Variants in KCNIP4 observed in about 807,000 individuals in gnomAD.
KCNIP4 encodes the protein potassium voltage-gated channel interacting protein 4, also known as Kv channel-interacting protein 4.
In KCNIP4, 12 loss-of-function variants were observed where a neutral mutation model predicts 34.0. That is an observed-to-expected ratio of 0.35 (90% CI 0.23 to 0.57). The LOEUF (loss-of-function observed/expected upper bound fraction) is 0.57, where lower values mean the gene tolerates loss of function less well. Ranked by LOEUF, KCNIP4 falls within the 20% of genes least tolerant of loss-of-function variation. The pLI, the probability that KCNIP4 is intolerant of heterozygous loss-of-function variation, is 0.83. For missense variants in KCNIP4, 238 were observed against 311.7 expected, an observed-to-expected ratio of 0.76 and a Z score of 1.78; for synonymous variants, 124 against 102.2, an observed-to-expected ratio of 1.21 and a Z score of -1.29.
intron 1 of KCNIP4, among the ~76,000 whole-genome samples, chr4:21,121,280 C>T (rs911951819): frequency 6.6e-6 from 1 of 152,134 alleles, no homozygotes; most frequent in Non-Finnish European, 1.5e-5. Context: ...AGGGAGAAGG[C>T]ATATAGGAGC....
At chr4:21,242,126 T>C (rs901152923) in intron 1 of KCNIP4, among the ~76,000 whole-genome samples, 1 of 131,804 alleles carries the variant, frequency 7.6e-6, no homozygotes, top group Non-Finnish European at 1.5e-5. Flanking sequence ...ATTGCGCCAC[T>C]GCACTCCATC....
rs1393043312 is a variant in KCNIP4 at position 20,850,620 on chromosome 4, C to T, written c.211G>A (p.Glu71Lys). ...LEMATVRHRP[E>K]ALELLEAQSK... ...TGGGCTTCCAGAAGCTCAAGGGCTT[C>T]AGGCCGATGCCTGACGGTGGCCATC... Residue 71 changes from glutamate (E) to lysine (K), a missense_variant, in exon 3 of 9, where the codon GAA becomes AAA. Physicochemically the swap from Glu to Lys is moderately conservative, Grantham distance 56 (BLOSUM62 1). Coordinates refer to ENST00000382152, the MANE Select transcript of KCNIP4 (RefSeq NM_025221.6). The T allele has an allele frequency of 3.1e-6, 5 of 1,612,722 alleles. No individual in the cohort carries two copies. The highest frequency in any genetic ancestry group is 1.7e-5 in the Admixed American group (1 of 59,942).
At chr4:21,146,973 A>G (rs892467042) in intron 1 of KCNIP4, among the ~76,000 whole-genome samples, 14 of 152,228 alleles carry the variant, frequency 9.2e-5, no homozygotes, top group Admixed American at 3.3e-4. Context: ...ATATGTATAT[A>G]TATGTGGGGG....
chr4:21,208,922 C>G (rs1295108498), intron 1 of KCNIP4, among the ~76,000 whole-genome samples: 1 of 152,042 alleles, frequency 6.6e-6, no homozygotes, highest in Non-Finnish European at 1.5e-5. Flanking sequence ...ATGCCAGACA[C>G]TTATAAAACC....
intron 3 of KCNIP4, among the ~76,000 whole-genome samples, chr4:20,800,013 G>C (rs1445625957): frequency 6.6e-6 from 1 of 152,192 alleles, no homozygotes; most frequent in African/African-American, 2.4e-5. Flanking sequence ...TGTGTCTCAA[G>C]TCCCAGGTGT....
At chr4:21,165,552 CA>C (rs1326510697) in intron 1 of KCNIP4, among the ~76,000 whole-genome samples, 1 of 148,466 alleles carries the variant, frequency 6.7e-6, no homozygotes, top group Non-Finnish European at 1.5e-5. Context: ...AAAATTAACT[CA>C]AAATGCATCA....
At chr4:21,249,352 A>C (rs553633013) in intron 1 of KCNIP4, among the ~76,000 whole-genome samples, 125 of 152,248 alleles carry the variant, frequency 8.2e-4, no homozygotes, top group African/African-American at 2.8e-3. Flanking sequence ...CTTCCGATGC[A>C]TTAGTGATGG....
chr4:20,897,254 C>T (rs1726648911), intron 1 of KCNIP4, among the ~76,000 whole-genome samples: 1 of 151,830 alleles, frequency 6.6e-6, no homozygotes, highest in Admixed American at 6.6e-5. Context: ...CCCTAAATCT[C>T]ATCTGTCTCC....
intron 1 of KCNIP4, among the ~76,000 whole-genome samples, chr4:21,321,921 GAAA>G (rs1714503177): frequency 7.0e-6 from 1 of 143,692 alleles, no homozygotes; most frequent in Non-Finnish European, 1.5e-5. Flanking sequence ...AGGAAGGAAG[GAAA>G]AAGGTGGGAA....
intron 1 of KCNIP4, among the ~76,000 whole-genome samples, chr4:21,460,061 G>A (rs1029967231): frequency 4.0e-5 from 6 of 151,308 alleles, no homozygotes; most frequent in South Asian, 2.1e-4. Context: ...TAAAAGCCAC[G>A]ATCTTGCAAA....
Position 20,763,534 on chromosome 4 carries a change from A to AT in KCNIP4, c.289-4645dup, listed in dbSNP as rs201469729. Among the ~76,000 whole-genome samples the AT allele has an allele frequency of 6.1e-3, 931 of 152,010 alleles. 7 individuals carry two copies. The highest frequency in any genetic ancestry group is 0.024 in the Middle Eastern group (7 of 294). ...AGTGGTATACATCATTTCTATTCTC[A>AT]TTTTTTTTGTTGTTAGAGATCACTT... On this transcript the variant is annotated intron_variant, in intron 3 of 8. Transcript: ENST00000382152.
Position 21,622,116 on chromosome 4 carries a change from ATC to A in KCNIP4, c.61+326453_61+326454del, listed in dbSNP as rs1745035034. On this transcript the variant is annotated intron_variant, in intron 1 of 8. Transcript: ENST00000382152. ...TATCCTTTGCTCATATTAAAGATGT[ATC>A]TTTAGCCTGGAATCATTGGTACCTT... 2.0e-5 allele frequency among the ~76,000 whole-genome samples: 3 copies of A among 152,256 alleles called. No homozygotes were observed. The South Asian group carries it at 6.2e-4, about 31-fold the overall frequency.
intron 1 of KCNIP4, among the ~76,000 whole-genome samples, chr4:21,138,756 A>G (rs565524361): frequency 4.6e-5 from 7 of 152,066 alleles, no homozygotes; most frequent in Admixed American, 3.3e-4. Context: ...ACTGAAAGAG[A>G]GAGGTGGGAG....
chr4:21,502,014 C>CAA (rs1424341182), intron 1 of KCNIP4, among the ~76,000 whole-genome samples: 23 of 144,894 alleles, frequency 1.6e-4, no homozygotes, highest in African/African-American at 4.6e-4. Context: ...CACACACACA[C>CAA]AAGCACACAC....
At chr4:20,773,027 C>A (rs530902964) in intron 3 of KCNIP4, among the ~76,000 whole-genome samples, 64 of 145,414 alleles carry the variant, frequency 4.4e-4, no homozygotes, top group Non-Finnish European at 8.2e-4. Flanking sequence ...CAGGAGCAGC[C>A]CTGAGTCTCT....
At chr4:21,239,846 C>G (rs1363230822) in intron 1 of KCNIP4, among the ~76,000 whole-genome samples, 2 of 151,810 alleles carry the variant, frequency 1.3e-5, no homozygotes, top group African/African-American at 2.4e-5. Flanking sequence ...ACTAGAAATA[C>G]CATTTGACCC....
rs73805050 is a variant in KCNIP4 at position 21,184,308 on chromosome 4, C to G, written c.62-301599G>C. Among the ~76,000 whole-genome samples the G allele has an allele frequency of 2.7e-3, 408 of 152,232 alleles. 2 individuals carry two copies. The highest frequency in any genetic ancestry group is 8.7e-3 in the African/African-American group (362 of 41,542). On this transcript the variant is annotated intron_variant, in intron 1 of 8. Coordinates refer to ENST00000382152, the MANE Select transcript of KCNIP4 (RefSeq NM_025221.6). ...TAAATAAATTGTTATTATTATTTGTCTTTTACATTAGAATAACAGTAAGAA... is the reference window on the plus strand; with the variant it reads ...TAAATAAATTGTTATTATTATTTGTGTTTTACATTAGAATAACAGTAAGAA...
rs56376953 is a variant in KCNIP4 at position 21,903,307 on chromosome 4, A to G, written c.61+45264T>C. On this transcript the variant is annotated intron_variant, in intron 1 of 8. Coordinates refer to ENST00000382152, the MANE Select transcript of KCNIP4 (RefSeq NM_025221.6). The stretch of plus-strand genomic sequence containing the variant: ...GAAGCCTTCTTTTTTCTTTGAATAG[A>G]CCAGGAATAGGAATGATAAATAACA... Among the ~76,000 whole-genome samples, 696 of 152,238 alleles carry G rather than the reference A, an allele frequency of 4.6e-3. 6 individuals are homozygous for G. The highest frequency in any genetic ancestry group is 0.016 in the African/African-American group (672 of 41,550).
At chr4:21,203,083 C>T (rs141562861) in intron 1 of KCNIP4, among the ~76,000 whole-genome samples, 53 of 152,352 alleles carry the variant, frequency 3.5e-4, no homozygotes, top group Non-Finnish European at 8.8e-5. Flanking sequence ...CACTTTTGTG[C>T]AATTCACCAT....
Sources: gnomAD v4.1 joint callset for allele counts (sites outside exome capture counted in the v4.1 genomes callset) on GRCh38, gnomAD v4.1.1 for gene constraint, MANE v1.5 for transcripts, NCBI Gene and HGNC (gene_info 2026-07-23, HGNC 2026-07-21) for gene names.